Variants in HIVEP2 observed in about 807,000 individuals in gnomAD.
The protein encoded by HIVEP2 is transcription factor HIVEP2.
In HIVEP2, 14 loss-of-function variants were observed where a neutral mutation model predicts 180.7. The observed-to-expected ratio is 0.08, with a 90% confidence interval of 0.05 to 0.12. The LOEUF (loss-of-function observed/expected upper bound fraction) is 0.12, where lower values mean the gene tolerates loss of function less well. Ranked by LOEUF, HIVEP2 falls within the 10% of genes least tolerant of loss-of-function variation. The probability of loss-of-function intolerance (pLI) is 1.00; values close to 1 mark genes in which losing one functional copy is unlikely to be tolerated. For synonymous variants in HIVEP2, 1,184 were observed against 1,136.4 expected (o/e 1.04, Z -0.84); for missense variants, 2,579 against 3,008.5 (o/e 0.86, Z 3.34).
intron 1 of HIVEP2, among the ~76,000 whole-genome samples, chr6:142,903,570 C>T (rs772601138): frequency 6.6e-6 from 1 of 152,056 alleles, no homozygotes; most frequent in Non-Finnish European, 1.5e-5. Flanking sequence ...TTATGCATTC[C>T]TGCTCGACCC....
intron 1 of HIVEP2, among the ~76,000 whole-genome samples, chr6:142,859,411 T>A (rs985629120): frequency 5.3e-5 from 8 of 150,198 alleles, no homozygotes; most frequent in African/African-American, 2.0e-4. Flanking sequence ...CAGTGAGCTA[T>A]GATCCTGCCA....
chr6:142,773,784 A>G lies in HIVEP2; in HGVS notation c.955T>C (p.Leu319=), dbSNP rs376350083. The G allele has an allele frequency of 4.5e-5, 73 of 1,613,904 alleles. No individual in the cohort carries two copies. Among genetic ancestry groups the G allele is most frequent in the South Asian group, 9.9e-5 (9 of 91,084 alleles). Residue 319 remains leucine, a synonymous_variant, in exon 5 of 10, where the codon TTG becomes CTG. Transcript: ENST00000367603. Reference sequence around the variant, plus strand: ...ATCGGCACCTTCATTGGACCTCCCAATGATTCTTCCAATGACCCATGATAG... The same window carrying G: ...ATCGGCACCTTCATTGGACCTCCCAGTGATTCTTCCAATGACCCATGATAG... ...GGYHGSLEES[L]GGPMKVPILI...
intron 2 of HIVEP2, among the ~76,000 whole-genome samples, chr6:142,830,948 C>T (rs549896702): frequency 2.8e-4 from 42 of 152,230 alleles, no homozygotes; most frequent in African/African-American, 1.0e-3. Context: ...CCTGTCAATC[C>T]TTATCACTAC....
intron 9 of HIVEP2, among the ~76,000 whole-genome samples, chr6:142,754,772 C>T (rs1292080686): frequency 6.6e-6 from 1 of 152,192 alleles, no homozygotes; most frequent in Non-Finnish European, 1.5e-5. Flanking sequence ...ATCTTCTTGG[C>T]AATCAATGAA....
At position 142,752,357 on chromosome 6, in the gene HIVEP2, T is replaced by C. The variant is rs945886623; in HGVS notation, c.*750A>G. 6.6e-6 allele frequency: 1 copy of C among 152,624 alleles called. No individual in the cohort carries two copies. Among genetic ancestry groups the C allele is most frequent in the Non-Finnish European group, 1.5e-5 (1 of 68,030 alleles). The allele number at this position is 152,624 out of a possible 1,614,324, so 9.5% of individuals were successfully genotyped here. A position where few individuals can be genotyped will look rare whatever the true frequency, so the allele number is the denominator to read the frequency against. ...TTTACTTTAATGCTTTACGGTACTA[T>C]CATTTTAAAATCACAATCAGCACTT... On this transcript the variant is annotated 3_prime_UTR_variant, in exon 10 of 10. Transcript: ENST00000367603.
chr6:142,912,847 T>C (rs1777449179), intron 1 of HIVEP2, among the ~76,000 whole-genome samples: 1 of 152,226 alleles, frequency 6.6e-6, no homozygotes, highest in Non-Finnish European at 1.5e-5. Flanking sequence ...GGTTGGAGAC[T>C]GTGAGTTTAA....
intron 1 of HIVEP2, among the ~76,000 whole-genome samples, chr6:142,846,307 A>T (rs1265305664): frequency 6.6e-6 from 1 of 152,134 alleles, no homozygotes; most frequent in East Asian, 1.9e-4. Flanking sequence ...AAGAATATAC[A>T]TTCCCAAATC....
chr6:142,891,926 C>A (rs1365283392), intron 1 of HIVEP2, among the ~76,000 whole-genome samples: 1 of 152,162 alleles, frequency 6.6e-6, no homozygotes, highest in Non-Finnish European at 1.5e-5. Flanking sequence ...TTTATAGAGC[C>A]TTAGGCCCTG....
intron 2 of HIVEP2, among the ~76,000 whole-genome samples, chr6:142,831,329 A>G (rs980772330): frequency 6.6e-6 from 1 of 152,190 alleles, no homozygotes; most frequent in African/African-American, 2.4e-5. Flanking sequence ...TACAGGGCAC[A>G]ACATGAGATG....
At chr6:142,942,804 G>A (rs1778212452) in intron 1 of HIVEP2, among the ~76,000 whole-genome samples, 1 of 152,134 alleles carries the variant, frequency 6.6e-6, no homozygotes, top group African/African-American at 2.4e-5. Flanking sequence ...ATAAATATAA[G>A]CCATCTCTAA....
At chr6:142,766,334 C>G (rs935433981) in intron 6 of HIVEP2, among the ~76,000 whole-genome samples, 1 of 152,060 alleles carries the variant, frequency 6.6e-6, no homozygotes, top group Non-Finnish European at 1.5e-5. Context: ...AATTTCCCCC[C>G]TTTTACCAGG....
At chr6:142,917,921 A>T (rs1444969054) in intron 1 of HIVEP2, among the ~76,000 whole-genome samples, 1 of 152,136 alleles carries the variant, frequency 6.6e-6, no homozygotes, top group East Asian at 1.9e-4. Flanking sequence ...GATTACAGGC[A>T]TGCACCACCA....
rs1774950914 is a variant in HIVEP2 at position 142,752,678 on chromosome 6, T to C, written c.*429A>G. The C allele has an allele frequency of 6.1e-6, 1 of 163,568 alleles. No homozygotes were observed. Among genetic ancestry groups the C allele is most frequent in the African/African-American group, 2.4e-5 (1 of 41,536 alleles). The allele number at this position is 163,568 out of a possible 1,614,324, so 10.1% of individuals were successfully genotyped here. ...CATAAAAGCTGTTCAGTTTTAATCA[T>C]ATAAAAATATGTTTTAGTGCAACCT... On this transcript the variant is annotated 3_prime_UTR_variant, in exon 10 of 10. Coordinates refer to ENST00000367603, the MANE Select transcript of HIVEP2 (RefSeq NM_006734.4).
chr6:142,771,354 G>A lies in HIVEP2; in HGVS notation c.3385C>T (p.Pro1129Ser). 1 of 1,612,966 alleles carries A rather than the reference G, an allele frequency of 6.2e-7. No homozygotes were observed. Among genetic ancestry groups the A allele is most frequent in the Non-Finnish European group, 8.5e-7 (1 of 1,179,980 alleles). ...WHHGPPAVLPPLQQEDPGKQV... is the reference protein window; with the variant it reads ...WHHGPPAVLPSLQQEDPGKQV... ...TTCCCTGGGTCCTCTTGCTGAAGAG[G>A]AGGCAGCACAGCAGGCGGGCCATGG... Residue 1129 changes from proline (P) to serine (S), a missense_variant, in exon 5 of 10, where the codon CCT becomes TCT. Pro to Ser is a moderately conservative substitution (Grantham distance 74). Around this residue, in one of 11 missense-constraint regions of HIVEP2, gnomAD observed 523 missense variants for 577.0 expected, o/e 0.91. Coordinates refer to ENST00000367603, the MANE Select transcript of HIVEP2 (RefSeq NM_006734.4). The surrounding 1 kb of genome is among the most constrained non-coding windows in gnomAD (Gnocchi z 5.4).
chr6:142,876,413 G>C (rs1380645418), intron 1 of HIVEP2, among the ~76,000 whole-genome samples: 2 of 151,984 alleles, frequency 1.3e-5, no homozygotes, highest in Non-Finnish European at 2.9e-5. Flanking sequence ...AGGAAAGAGG[G>C]GTGCTAAAAG....
At position 142,760,367 on chromosome 6, in the gene HIVEP2, G is replaced by C. The variant is rs772896640; in HGVS notation, c.5921C>G (p.Thr1974Ser). Reference protein sequence around the residue: ...GHSSLISYLVTLPSIRVTQLM... With the variant: ...GHSSLISYLVSLPSIRVTQLM... The stretch of plus-strand genomic sequence containing the variant: ...CTGAGTAACTCGAATACTTGGCAAA[G>C]TAACCAAATAGCTGATCAACGAAGA... Residue 1974 changes from threonine (T) to serine (S), a missense_variant, in exon 9 of 10, where the codon ACT (threonine) becomes AGT (serine). Thr to Ser is a moderately conservative substitution (Grantham distance 58). This residue lies in a region of HIVEP2 where 660 missense variants were observed against 731.7 expected (regional missense o/e 0.90). Coordinates refer to ENST00000367603, the MANE Select transcript of HIVEP2 (RefSeq NM_006734.4). The C allele has an allele frequency of 6.2e-7, 1 of 1,614,228 alleles. No individual in the cohort carries two copies. Among genetic ancestry groups the C allele is most frequent in the Admixed American group, 1.7e-5 (1 of 60,016 alleles).
chr6:142,768,598 T>C (rs1775434511), intron 5 of HIVEP2, 62 bp from the exon 6 acceptor site: 1 of 1,517,040 alleles, frequency 6.6e-7, no homozygotes, highest in Non-Finnish European at 9.0e-7. Context: ...AGCCCCTATG[T>C]CCCACTCTTC....
At chr6:142,886,773 C>A (rs149482225) in intron 1 of HIVEP2, among the ~76,000 whole-genome samples, 2 of 152,146 alleles carry the variant, frequency 1.3e-5, no homozygotes, top group Non-Finnish European at 2.9e-5. Context: ...AACCTGTTAA[C>A]AACACTGTTC....
chr6:142,798,516 T>G (rs1432905014), intron 2 of HIVEP2, among the ~76,000 whole-genome samples: 1 of 152,134 alleles, frequency 6.6e-6, no homozygotes, highest in African/African-American at 2.4e-5. Flanking sequence ...TGCTTCCCCC[T>G]TTCTAGATCC....
Sources: allele counts gnomAD v4.1 joint callset (sites outside exome capture counted in the v4.1 genomes callset), GRCh38; gene constraint gnomAD v4.1.1; regional missense constraint gnomAD v4.1.1; non-coding constraint Gnocchi (gnomAD v3.1); transcripts MANE v1.5; gene names NCBI Gene and HGNC (gene_info 2026-07-23, HGNC 2026-07-21).